Variants in SH2D4A observed in about 807,000 individuals in gnomAD.
SH2D4A encodes the protein SH2 domain containing 4A.
In SH2D4A, 70 loss-of-function variants were observed where a neutral mutation model predicts 64.7. The observed-to-expected ratio is 1.08, with a 90% CI of 0.89 to 1.32. The LOEUF is 1.32. Among genes scored for constraint, SH2D4A ranks in the 40% most tolerant of loss-of-function variants. SH2D4A has a pLI of 0.00. For missense variants in SH2D4A, 706 were observed against 540.1 expected, an observed-to-expected ratio of 1.31 and a Z score of -3.04; for synonymous variants, 268 against 200.7, an observed-to-expected ratio of 1.34 and a Z score of -2.83.
chr8:19,371,700 A>G lies in SH2D4A; in HGVS notation c.918-1830A>G, dbSNP rs1299795013. Among the ~76,000 whole-genome samples, 5 of 151,976 alleles carry G rather than the reference A, an allele frequency of 3.3e-5. No individual in the cohort carries two copies. In the East Asian group the frequency reaches 9.7e-4, roughly 29 times the overall value. On this transcript the variant is annotated intron_variant, in intron 7 of 9. Transcript: ENST00000265807. ...GAATTCCCTCTTTAATAACTCCAAT[A>G]TTTACTCTTTTGATGTTGTCCCACA...
chr8:19,332,872 A>G (rs754897738), intron 2 of SH2D4A, 83 bp from the exon 3 acceptor site: 10 of 1,404,194 alleles, frequency 7.1e-6, no homozygotes, highest in African/African-American at 1.4e-5. Context: ...CAAAGACCCA[A>G]AATACTTTAG....
chr8:19,346,436 A>G (rs976773654), intron 4 of SH2D4A, among the ~76,000 whole-genome samples: 1 of 152,252 alleles, frequency 6.6e-6, no homozygotes, highest in Non-Finnish European at 1.5e-5. Context: ...CTAATGCCTG[A>G]CGATCTGTCA....
chr8:19,348,829 G>A (rs1228485087), intron 4 of SH2D4A, among the ~76,000 whole-genome samples: 6 of 152,138 alleles, frequency 3.9e-5, no homozygotes, highest in African/African-American at 7.2e-5. Flanking sequence ...GTGAGTAGGC[G>A]GGGTTGAGAA....
intron 1 of SH2D4A, among the ~76,000 whole-genome samples, chr8:19,316,378 TGTGAGAG>T (rs2052088904): frequency 1.3e-5 from 2 of 152,184 alleles, no homozygotes; most frequent in Admixed American, 6.5e-5. Context: ...TCCTTGCACA[TGTGAGAG>T]GCTGTGCTTT....
chr8:19,323,561 A>T (rs1378005962), intron 2 of SH2D4A, among the ~76,000 whole-genome samples: 1 of 152,064 alleles, frequency 6.6e-6, no homozygotes, highest in Non-Finnish European at 1.5e-5. Flanking sequence ...TTGTATTATT[A>T]GTAGAGATGG....
chr8:19,345,992 C>G (rs555861864), intron 4 of SH2D4A, among the ~76,000 whole-genome samples: 3 of 152,352 alleles, frequency 2.0e-5, no homozygotes, highest in African/African-American at 7.2e-5. Context: ...GAGTATCTTT[C>G]TATGCACGCA....
intron 1 of SH2D4A, among the ~76,000 whole-genome samples, chr8:19,317,551 A>G (rs2052111303): frequency 6.6e-6 from 1 of 152,196 alleles, no homozygotes; most frequent in African/African-American, 2.4e-5. Context: ...AGCGAATCTA[A>G]GAGCTGAGTA....
At chr8:19,391,024 TAGG>T (rs1392311191) in intron 8 of SH2D4A, among the ~76,000 whole-genome samples, 1 of 152,176 alleles carries the variant, frequency 6.6e-6, no homozygotes, top group Non-Finnish European at 1.5e-5. Context: ...GCCGTCAGCC[TAGG>T]AGGAGGGAGA....
Position 19,393,384 on chromosome 8 carries a change from T to C in SH2D4A, c.1115T>C (p.Ile372Thr), listed in dbSNP as rs769803029. The change falls in exon 9 of 10, where the codon ATC becomes ACC. Residue 372 changes from isoleucine (I) to threonine (T), a missense_variant. Transcript: ENST00000265807. ...ACAGGCATGCCCGGCAGTTTTCTCATCCGAGTCAGTGAAAGGATCAAAGGC... is the reference window on the plus strand; with the variant it reads ...ACAGGCATGCCCGGCAGTTTTCTCACCCGAGTCAGTGAAAGGATCAAAGGC... ...LSTGMPGSFL[I>T]RVSERIKGYA... 1 of 1,614,206 alleles carries C rather than the reference T, an allele frequency of 6.2e-7. No homozygotes were observed. The highest frequency in any genetic ancestry group is 8.5e-7 in the Non-Finnish European group (1 of 1,180,020).
chr8:19,375,833 TAAC>T (rs1357376457), intron 8 of SH2D4A, among the ~76,000 whole-genome samples: 1 of 152,198 alleles, frequency 6.6e-6, no homozygotes, highest in Non-Finnish European at 1.5e-5. Context: ...TCATATATCA[TAAC>T]ATCAGTTGGT....
intron 4 of SH2D4A, among the ~76,000 whole-genome samples, chr8:19,353,306 C>A (rs1340189820): frequency 6.6e-6 from 1 of 151,864 alleles, no homozygotes; most frequent in Non-Finnish European, 1.5e-5. Flanking sequence ...AGTGGTATTA[C>A]TGAGGTATAC....
At chr8:19,340,789 G>A (rs1266099400) in intron 4 of SH2D4A, among the ~76,000 whole-genome samples, 1 of 151,810 alleles carries the variant, frequency 6.6e-6, no homozygotes, top group Non-Finnish European at 1.5e-5. Flanking sequence ...GTAGAAACAG[G>A]GTTTCACTGT....
chr8:19,324,304 C>T (rs1344847630), intron 2 of SH2D4A, among the ~76,000 whole-genome samples: 10 of 152,226 alleles, frequency 6.6e-5, no homozygotes, highest in Non-Finnish European at 4.4e-5. Flanking sequence ...GAAGGGGCTC[C>T]TCTGTGTGCC....
chr8:19,335,440 G>A (rs540679938), intron 4 of SH2D4A, among the ~76,000 whole-genome samples: 8 of 152,162 alleles, frequency 5.3e-5, no homozygotes, highest in Non-Finnish European at 8.8e-5. Context: ...ATATTTTCAG[G>A]TTCTCCTCAA....
At chr8:19,353,934 C>G (rs1340720528) in intron 4 of SH2D4A, among the ~76,000 whole-genome samples, 1 of 151,362 alleles carries the variant, frequency 6.6e-6, no homozygotes, top group Non-Finnish European at 1.5e-5. Context: ...ATGTTTTAGA[C>G]ACATTGAATA....
At chr8:19,375,352 G>C (rs1422021224) in intron 8 of SH2D4A, 1 of 152,134 alleles carries the variant, frequency 6.6e-6, no homozygotes, top group African/African-American at 2.4e-5. Context: ...TTATCACCGG[G>C]AAGCCTGTTC....
At chr8:19,378,809 G>T (rs2053238824) in intron 8 of SH2D4A, among the ~76,000 whole-genome samples, 1 of 150,864 alleles carries the variant, frequency 6.6e-6, no homozygotes, top group East Asian at 1.9e-4. Flanking sequence ...ACTTTGGGAG[G>T]CCAAGGAAGG....
intron 2 of SH2D4A, among the ~76,000 whole-genome samples, chr8:19,323,778 A>G (rs370505415): frequency 6.6e-5 from 10 of 152,334 alleles, no homozygotes; most frequent in East Asian, 3.9e-4. Context: ...CCAGCATTCA[A>G]TACGCTTAAC....
At chr8:19,368,807 A>G (rs1193073491) in intron 7 of SH2D4A, among the ~76,000 whole-genome samples, 1 of 151,898 alleles carries the variant, frequency 6.6e-6, no homozygotes, top group African/African-American at 2.4e-5. Context: ...CTCTTTTCCA[A>G]TTTGGATGTG....
Sources: allele counts gnomAD v4.1 joint callset (sites outside exome capture counted in the v4.1 genomes callset), GRCh38; gene constraint gnomAD v4.1.1; transcripts MANE v1.5; gene names NCBI Gene and HGNC (gene_info 2026-07-23, HGNC 2026-07-21).